Variants in REDIC1 observed in about 807,000 individuals in gnomAD.
REDIC1 encodes regulator of DNA class I crossover intermediates 1.
the REDIC1 span, among the ~76,000 whole-genome samples, chr12:39,726,273 T>C: frequency 6.6e-6 from 1 of 152,014 alleles, no homozygotes; most frequent in Admixed American, 6.6e-5. Flanking sequence ...CAACCAGTCA[T>C]CTACATTAGG....
the REDIC1 span, among the ~76,000 whole-genome samples, chr12:39,733,589 G>A: frequency 6.6e-6 from 1 of 152,166 alleles, no homozygotes; most frequent in South Asian, 2.1e-4. Context: ...CTTTCTTTCA[G>A]AGATGCCCTG....
At chr12:39,825,290 C>T in the REDIC1 span, among the ~76,000 whole-genome samples, 2 of 151,946 alleles carry the variant, frequency 1.3e-5, no homozygotes, top group Middle Eastern at 3.4e-3. Flanking sequence ...GGTAGGGAGG[C>T]GGATAAATAG....
the REDIC1 span, among the ~76,000 whole-genome samples, chr12:39,888,220 A>ATATT: frequency 3.7e-4 from 57 of 152,066 alleles, 1 homozygote; most frequent in East Asian, 1.7e-3. Context: ...GTTTTTATTT[A>ATATT]TATTTATTTA....
the REDIC1 span, among the ~76,000 whole-genome samples, chr12:39,766,442 C>T: frequency 6.6e-6 from 1 of 152,060 alleles, no homozygotes; most frequent in African/African-American, 2.4e-5. Context: ...GCACCTTTCA[C>T]AAGTCATCAT....
chr12:39,887,070 TG>T, the REDIC1 span, among the ~76,000 whole-genome samples: 1 of 152,172 alleles, frequency 6.6e-6, no homozygotes, highest in African/African-American at 2.4e-5. Context: ...AAAAAGAGAC[TG>T]TTATGGAAAT....
At chr12:39,886,893 T>C in the REDIC1 span, among the ~76,000 whole-genome samples, 16 of 152,312 alleles carry the variant, frequency 1.1e-4, 1 homozygote, top group South Asian at 6.2e-4. Flanking sequence ...CTTAACTAAA[T>C]GCCAAGTAGT....
At chr12:39,817,159 A>G in the REDIC1 span, among the ~76,000 whole-genome samples, 1 of 152,236 alleles carries the variant, frequency 6.6e-6, no homozygotes, top group African/African-American at 2.4e-5. Flanking sequence ...ATTGGGAAAA[A>G]GTGTACTAAT....
chr12:39,777,056 T>C, the REDIC1 span, among the ~76,000 whole-genome samples: 5 of 152,352 alleles, frequency 3.3e-5, no homozygotes, highest in African/African-American at 1.2e-4. Flanking sequence ...ACTATACTGC[T>C]CATATTTTCT....
chr12:39,906,494 C>A, the REDIC1 span, among the ~76,000 whole-genome samples: 1 of 151,970 alleles, frequency 6.6e-6, no homozygotes, highest in Non-Finnish European at 1.5e-5. Context: ...CACTTGTCCA[C>A]TGAAATATGA....
the REDIC1 span, among the ~76,000 whole-genome samples, chr12:39,678,676 G>A: frequency 2.1e-5 from 3 of 143,662 alleles, no homozygotes; most frequent in African/African-American, 5.1e-5. Context: ...TATTCCTGAT[G>A]AATATAGATG....
chr12:39,878,703 T>C, the REDIC1 span, among the ~76,000 whole-genome samples: 1 of 152,312 alleles, frequency 6.6e-6, no homozygotes, highest in East Asian at 1.9e-4. Context: ...AGCATAAAAA[T>C]TTGGAAAATT....
chr12:39,711,472 T>C, the REDIC1 span, among the ~76,000 whole-genome samples: 121 of 143,854 alleles, frequency 8.4e-4, no homozygotes, highest in Non-Finnish European at 1.3e-3. Flanking sequence ...CACATACATA[T>C]ATGTATGTGT....
chr12:39,752,669 A>C, the REDIC1 span, among the ~76,000 whole-genome samples: 1 of 152,184 alleles, frequency 6.6e-6, no homozygotes, highest in Non-Finnish European at 1.5e-5. Flanking sequence ...GAAAATCACA[A>C]GAAAAGAACT....
chr12:39,732,319 A>G, the REDIC1 span, among the ~76,000 whole-genome samples: 2 of 152,158 alleles, frequency 1.3e-5, no homozygotes, highest in Non-Finnish European at 2.9e-5. Context: ...TCCATCCTGT[A>G]TATTTCCTAC....
chr12:39,827,862 G>A, the REDIC1 span, among the ~76,000 whole-genome samples: 1 of 151,942 alleles, frequency 6.6e-6, no homozygotes, highest in Non-Finnish European at 1.5e-5. Context: ...CATTAATGGT[G>A]TTGCCATTCC....
At chr12:39,737,656 G>A in the REDIC1 span, among the ~76,000 whole-genome samples, 4 of 152,164 alleles carry the variant, frequency 2.6e-5, no homozygotes, top group Non-Finnish European at 5.9e-5. Flanking sequence ...ATTTTCCCAA[G>A]TTAGTACAGT....
At chr12:39,790,367 C>T in the REDIC1 span, among the ~76,000 whole-genome samples, 1 of 111,344 alleles carries the variant, frequency 9.0e-6, no homozygotes, top group Non-Finnish European at 1.7e-5. Context: ...CTATCCCTCC[C>T]CCCTCCCCCC....
chr12:39,878,717 A>T, the REDIC1 span, among the ~76,000 whole-genome samples: 1 of 152,258 alleles, frequency 6.6e-6, no homozygotes, highest in Non-Finnish European at 1.5e-5. Context: ...GAAAATTTGC[A>T]GCCTGGCCAT....
At chr12:39,879,883 C>T in the REDIC1 span, among the ~76,000 whole-genome samples, 1 of 152,106 alleles carries the variant, frequency 6.6e-6, no homozygotes, top group Non-Finnish European at 1.5e-5. Context: ...ATATTTGTCC[C>T]CATGCAAATC....
Sources: allele counts gnomAD v4.1 joint callset (sites outside exome capture counted in the v4.1 genomes callset), GRCh38; gene constraint gnomAD v4.1.1; transcripts MANE v1.5; gene names NCBI Gene and HGNC (gene_info 2026-07-23, HGNC 2026-07-21).